The following LRMDA variants were observed in gnomAD, a reference collection of about 807,000 sequenced individuals.
The protein encoded by LRMDA is leucine rich melanocyte differentiation associated, also known as leucine-rich melanocyte differentiation-associated protein.
Under a neutral mutation model 29.8 loss-of-function variants are expected in LRMDA, and 18 were observed. The ratio of observed to expected loss-of-function variants is 0.60; its 90% CI spans 0.42 to 0.90. The LOEUF is 0.90. LRMDA is among the 40% of genes least tolerant of loss of function. LRMDA has a pLI of 0.00. For synonymous variants in LRMDA, 125 were observed against 109.4 expected, an observed-to-expected ratio of 1.14 and a Z score of -0.89; for missense variants, 273 against 273.9, an observed-to-expected ratio of 1.00 and a Z score of 0.02.
At chr10:75,773,648 C>T (rs947385890) in intron 2 of LRMDA, among the ~76,000 whole-genome samples, 1 of 152,222 alleles carries the variant, frequency 6.6e-6, no homozygotes, top group Non-Finnish European at 1.5e-5. Context: ...TCAGCTCACA[C>T]TTCGCCCAGT....
At chr10:75,845,520 C>A (rs1844617728) in intron 2 of LRMDA, among the ~76,000 whole-genome samples, 1 of 152,206 alleles carries the variant, frequency 6.6e-6, no homozygotes, top group Non-Finnish European at 1.5e-5. Context: ...TGCTCCCTTC[C>A]CACCTTCAGG....
intron 2 of LRMDA, among the ~76,000 whole-genome samples, chr10:75,473,959 G>A (rs371077051): frequency 2.6e-4 from 39 of 152,160 alleles, no homozygotes; most frequent in African/African-American, 9.2e-4. Flanking sequence ...TGGTAGGTCT[G>A]GGGTGAGGTC....
intron 2 of LRMDA, among the ~76,000 whole-genome samples, chr10:75,806,964 C>T (rs1313681905): frequency 1.3e-5 from 2 of 152,158 alleles, no homozygotes; most frequent in Non-Finnish European, 2.9e-5. Context: ...CTGGCAGAGG[C>T]ATCACTCAGT....
Position 76,257,138 on chromosome 10 carries a change from A to C in LRMDA, c.517-67263A>C, listed in dbSNP as rs373358871. ...TGCATGAAGATCTCTAATATATTTGAATAATAGCTTTACATTAAAAATTTA... is the reference window on the plus strand; with the variant it reads ...TGCATGAAGATCTCTAATATATTTGCATAATAGCTTTACATTAAAAATTTA... On this transcript the variant is annotated intron_variant, in intron 5 of 6. Coordinates refer to ENST00000611255, the MANE Select transcript of LRMDA (RefSeq NM_001305581.2). Among the ~76,000 whole-genome samples the C allele has an allele frequency of 2.6e-5, 4 of 152,296 alleles. No homozygotes were observed. In the South Asian group the frequency reaches 8.3e-4, roughly 32 times the overall value.
At chr10:75,972,754 C>T (rs1382756383) in intron 2 of LRMDA, among the ~76,000 whole-genome samples, 1 of 152,056 alleles carries the variant, frequency 6.6e-6, no homozygotes, top group African/African-American at 2.4e-5. Context: ...CGTCAGAAGC[C>T]GTCATCTTCT....
chr10:75,840,484 A>G lies in LRMDA; in HGVS notation c.132-195524A>G, dbSNP rs977241026. ...GTTGTCAACATCTGCTTAAATCCTC[A>G]TGGTCTGTTTGCCTAGAGCTTCACA... On this transcript the variant is annotated intron_variant, in intron 2 of 6. Transcript: ENST00000611255. Among the ~76,000 whole-genome samples the G allele has an allele frequency of 9.9e-5, 15 of 152,162 alleles. 1 individual carries two copies. Among genetic ancestry groups the G allele is most frequent in the Non-Finnish European group, 1.9e-4 (13 of 68,020 alleles).
chr10:75,717,119 G>A (rs1208493309), intron 2 of LRMDA, among the ~76,000 whole-genome samples: 2 of 152,196 alleles, frequency 1.3e-5, no homozygotes, highest in African/African-American at 2.4e-5. Flanking sequence ...TGGATTGTGA[G>A]GTCTGGGCTA....
intron 6 of LRMDA, among the ~76,000 whole-genome samples, chr10:76,408,162 AG>A (rs1841922089): frequency 6.6e-6 from 1 of 152,186 alleles, no homozygotes; most frequent in Middle Eastern, 3.2e-3. Context: ...GAGCTTCAGA[AG>A]GGTTTGGAAC....
chr10:76,405,708 T>G (rs757254500), intron 6 of LRMDA, among the ~76,000 whole-genome samples: 2 of 152,212 alleles, frequency 1.3e-5, no homozygotes, highest in Non-Finnish European at 2.9e-5. Flanking sequence ...GACAATCACA[T>G]TGTGGCCTTT....
intron 2 of LRMDA, among the ~76,000 whole-genome samples, chr10:75,817,322 T>C (rs1241043634): frequency 6.6e-6 from 1 of 152,236 alleles, no homozygotes; most frequent in Non-Finnish European, 1.5e-5. Flanking sequence ...TATTGTGAGA[T>C]GGTGAACTCA....
At chr10:76,260,355 T>G (rs769666216) in intron 5 of LRMDA, among the ~76,000 whole-genome samples, 7 of 152,216 alleles carry the variant, frequency 4.6e-5, no homozygotes, top group Non-Finnish European at 7.3e-5. Context: ...TCCTTGAGCA[T>G]TTCTTGTAAG....
chr10:75,689,132 T>C lies in LRMDA; in HGVS notation c.131+250638T>C, dbSNP rs762598840. Reference sequence around the variant, plus strand: ...GAATGGCTCCAAGGTATGCCTGTAATAGAAAATCTTTGAGCTAAAGAAGTA... The same window carrying C: ...GAATGGCTCCAAGGTATGCCTGTAACAGAAAATCTTTGAGCTAAAGAAGTA... On this transcript the variant is annotated intron_variant, in intron 2 of 6. Transcript: ENST00000611255. 5.1e-4 allele frequency among the ~76,000 whole-genome samples: 78 copies of C among 152,206 alleles called. 2 individuals are homozygous for C. The highest frequency in any genetic ancestry group is 4.1e-4 in the South Asian group (2 of 4,834).
chr10:75,659,637 G>C (rs1195604701), intron 2 of LRMDA, among the ~76,000 whole-genome samples: 1 of 152,202 alleles, frequency 6.6e-6, no homozygotes. Context: ...CAGGGACTGG[G>C]AGGTGGGGGA....
chr10:75,878,382 A>C (rs1845236169), intron 2 of LRMDA, among the ~76,000 whole-genome samples: 1 of 151,814 alleles, frequency 6.6e-6, no homozygotes, highest in Non-Finnish European at 1.5e-5. Flanking sequence ...GAAGGGGGGC[A>C]TGGAGTGGGA....
At chr10:76,274,685 T>C (rs1246300695) in intron 5 of LRMDA, among the ~76,000 whole-genome samples, 4 of 152,202 alleles carry the variant, frequency 2.6e-5, no homozygotes, top group Non-Finnish European at 5.9e-5. Context: ...ATGGAACATC[T>C]CTACTTTTTA....
In LRMDA at chr10:75,860,981, A is replaced by G. The variant is rs181547355; in HGVS notation, c.132-175027A>G. On this transcript the variant is annotated intron_variant, in intron 2 of 6. Coordinates refer to ENST00000611255, the MANE Select transcript of LRMDA (RefSeq NM_001305581.2). The stretch of plus-strand genomic sequence containing the variant: ...CTCAGGATGGTTCTAAGAGATTTTT[A>G]TAGAAATAAGGTTATAAGATAGCAT... 8.5e-5 allele frequency among the ~76,000 whole-genome samples: 13 copies of G among 152,332 alleles called. No homozygotes were observed. In the East Asian group the frequency reaches 2.5e-3, roughly 29 times the overall value.
intron 2 of LRMDA, among the ~76,000 whole-genome samples, chr10:75,493,582 G>A (rs965579401): frequency 7.9e-5 from 12 of 152,032 alleles, no homozygotes; most frequent in Admixed American, 1.3e-4. Flanking sequence ...AAGATACCCC[G>A]TCATTCTCTT....
chr10:75,512,660 C>T (rs1168632760), intron 2 of LRMDA, among the ~76,000 whole-genome samples: 1 of 152,016 alleles, frequency 6.6e-6, no homozygotes, highest in Admixed American at 6.6e-5. Flanking sequence ...GTCGGAGTTC[C>T]CAGAGGAATG....
intron 2 of LRMDA, among the ~76,000 whole-genome samples, chr10:75,726,974 A>G (rs1842638302): frequency 6.6e-6 from 1 of 152,236 alleles, no homozygotes; most frequent in Non-Finnish European, 1.5e-5. Context: ...TAGTCCACAT[A>G]GAGGCCAGCA....
Sources: gnomAD v4.1 joint callset for allele counts (sites outside exome capture counted in the v4.1 genomes callset) on GRCh38, gnomAD v4.1.1 for gene constraint, MANE v1.5 for transcripts, NCBI Gene and HGNC (gene_info 2026-07-23, HGNC 2026-07-21) for gene names.